The following PLEKHS1 variants were observed in gnomAD, a reference collection of about 807,000 sequenced individuals.
PLEKHS1 encodes pleckstrin homology domain-containing family S member 1.
Under a neutral mutation model 51.0 loss-of-function variants are expected in PLEKHS1, and 55 were observed. The ratio of observed to expected loss-of-function variants is 1.08; its 90% CI spans 0.87 to 1.35. PLEKHS1 has a LOEUF of 1.35. Ranked by LOEUF, PLEKHS1 falls within the 40% of genes most tolerant of loss-of-function variation. PLEKHS1 has a pLI of 0.00. For synonymous variants in PLEKHS1, 153 were observed against 144.8 expected (o/e 1.06, Z -0.41); for missense variants, 398 against 423.0 (o/e 0.94, Z 0.52).
At chr10:113,771,759 A>T (rs1333962637) in intron 7 of PLEKHS1, among the ~76,000 whole-genome samples, 2 of 152,060 alleles carry the variant, frequency 1.3e-5, no homozygotes, top group Admixed American at 1.3e-4. Flanking sequence ...AGAGAAAAAA[A>T]GCCTGAGTGA....
At chr10:113,767,558 A>G in intron 5 of PLEKHS1, 79 bp downstream of exon 5, 3 of 1,381,708 alleles carry the variant, frequency 2.2e-6, no homozygotes, top group Non-Finnish European at 2.9e-6. Context: ...TTTTATACCA[A>G]TAAACATGTT....
exon 10 of PLEKHS1, chr10:113,774,964 G>A (rs756458599): frequency 6.2e-7 from 1 of 1,614,122 alleles, no homozygotes; most frequent in Non-Finnish European, 8.5e-7. Flanking sequence ...CTGCCGATGT[G>A]GAAGCACAGA....
exon 4 of PLEKHS1, chr10:113,766,713 T>G: frequency 6.2e-7 from 1 of 1,604,788 alleles, no homozygotes. Context: ...CCATTGAAAT[T>G]GATCAGTGTG....
chr10:113,770,312 C>T (rs1253501244), intron 7 of PLEKHS1, among the ~76,000 whole-genome samples: 1 of 152,226 alleles, frequency 6.6e-6, no homozygotes, highest in African/African-American at 2.4e-5. Context: ...AATCTCTTCC[C>T]TTTACCCTGA....
At chr10:113,755,882 A>G (rs1404911155) in intron 2 of PLEKHS1, among the ~76,000 whole-genome samples, 1 of 152,238 alleles carries the variant, frequency 6.6e-6, no homozygotes, top group African/African-American at 2.4e-5. Context: ...AGATGATGTT[A>G]ATAGCAAACT....
At chr10:113,771,846 A>G in intron 7 of PLEKHS1, 124 bp from the exon 8 acceptor site, 1 of 1,146,834 alleles carries the variant, frequency 8.7e-7, no homozygotes, top group Non-Finnish European at 1.2e-6. Context: ...TTCTGGATGT[A>G]ATCTTGGAAG....
At chr10:113,765,418 A>G (rs773013452) in intron 2 of PLEKHS1, 2 of 778,992 alleles carry the variant, frequency 2.6e-6, no homozygotes, top group South Asian at 2.7e-5. Context: ...TGAATCTCTG[A>G]TGTATTTTAA....
At chr10:113,778,354 G>A (rs1223875602) in intron 11 of PLEKHS1, among the ~76,000 whole-genome samples, 1 of 152,172 alleles carries the variant, frequency 6.6e-6, no homozygotes, top group Admixed American at 6.5e-5. Context: ...GGACTTTCCT[G>A]TTAGCTTTCC....
At chr10:113,766,787 G>A in intron 4 of PLEKHS1, 69 bp downstream of exon 4, 1 of 1,232,654 alleles carries the variant, frequency 8.1e-7, no homozygotes, top group Non-Finnish European at 1.1e-6. Context: ...CAAGTTGCAT[G>A]CAAATTGAAA....
Position 113,766,434 on chromosome 10 carries a change from GA to G in PLEKHS1, c.56del (p.Asn19MetfsTer21), listed in dbSNP as rs1285529804. 6.3e-7 allele frequency: 1 copy of G among 1,588,244 alleles called. No homozygotes were observed. The highest frequency in any genetic ancestry group is 8.6e-7 in the Non-Finnish European group (1 of 1,160,634). On this transcript the variant is annotated frameshift_variant, in exon 3 of 12. Transcript: ENST00000361048. LOFTEE classifies it high-confidence loss of function. The stretch of plus-strand genomic sequence containing the variant: ...AGGCAAACAATTTACATTTTCTTAT[GA>G]AAATGAAGTCTGCAAACAAGATTAC...
intron 11 of PLEKHS1, among the ~76,000 whole-genome samples, chr10:113,776,204 G>T (rs1844651124): frequency 6.6e-6 from 1 of 152,134 alleles, no homozygotes; most frequent in East Asian, 1.9e-4. Flanking sequence ...TTTGATGAAT[G>T]AGTGAAATTA....
chr10:113,753,215 TA>T (rs374492047), intron 1 of PLEKHS1, among the ~76,000 whole-genome samples: 90 of 152,112 alleles, frequency 5.9e-4, no homozygotes, highest in African/African-American at 2.1e-3. Flanking sequence ...AACAGCTGCA[TA>T]GGGGGCGTGG....
intron 11 of PLEKHS1, chr10:113,777,898 G>A: frequency 1.4e-6 from 1 of 715,692 alleles, no homozygotes; most frequent in Non-Finnish European, 2.1e-6. Context: ...GCCAAGGCAG[G>A]AGAATCAATT....
exon 8 of PLEKHS1, chr10:113,772,029 A>T: frequency 1.2e-6 from 2 of 1,613,988 alleles, no homozygotes; most frequent in Non-Finnish European, 1.7e-6. Flanking sequence ...ATTTATCAGA[A>T]GCCACTCAAG....
chr10:113,753,215 T>A (rs1853929021), intron 1 of PLEKHS1, among the ~76,000 whole-genome samples: 1 of 151,996 alleles, frequency 6.6e-6, no homozygotes, highest in South Asian at 2.1e-4. Flanking sequence ...AACAGCTGCA[T>A]AGGGGGCGTG....
chr10:113,781,768 CCTCCTTCCCCCTTCCCCAACAA>C, exon 12 of PLEKHS1: 1 of 123,428 alleles, frequency 8.1e-6, no homozygotes, highest in African/African-American at 2.7e-5. Context: ...CTTCCCAACA[CCTCCTTCCCCCTTCCCCAACAA>C]CTCCTTCCCC....
intron 2 of PLEKHS1, among the ~76,000 whole-genome samples, chr10:113,760,271 A>C (rs1339804974): frequency 6.6e-6 from 1 of 152,226 alleles, no homozygotes; most frequent in Non-Finnish European, 1.5e-5. Flanking sequence ...GTTGATGAAC[A>C]TCAGGGTTGC....
chr10:113,757,809 A>G (rs1262308663), intron 2 of PLEKHS1, among the ~76,000 whole-genome samples: 2 of 152,258 alleles, frequency 1.3e-5, no homozygotes. Context: ...TGATTTATCA[A>G]CTAAGTTTAT....
chr10:113,779,745 G>T (rs1388114364), intron 11 of PLEKHS1, among the ~76,000 whole-genome samples: 3 of 152,156 alleles, frequency 2.0e-5, no homozygotes, highest in Admixed American at 2.0e-4. Flanking sequence ...GGGTGTTGCT[G>T]ACTGCAGTTT....
Sources: gnomAD v4.1 joint callset for allele counts (sites outside exome capture counted in the v4.1 genomes callset) on GRCh38, gnomAD v4.1.1 for gene constraint, MANE v1.5 for transcripts, NCBI Gene and HGNC (gene_info 2026-07-23, HGNC 2026-07-21) for gene names.